The following SEL1L2 variants were observed in gnomAD, a reference collection of about 807,000 sequenced individuals.
SEL1L2 encodes the protein SEL1L2 adaptor subunit of SYVN1 ubiquitin ligase.
Under a neutral mutation model 98.8 loss-of-function variants are expected in SEL1L2, and 89 were observed. That is an observed-to-expected ratio of 0.90 (90% CI 0.76 to 1.07). The LOEUF (loss-of-function observed/expected upper bound fraction) is 1.07. Ranked by LOEUF, SEL1L2 falls within the 50% of genes least tolerant of loss-of-function variation. The pLI is 0.00. For missense variants in SEL1L2, 788 were observed against 812.0 expected (o/e 0.97, Z 0.36); for synonymous variants, 262 against 278.5 (o/e 0.94, Z 0.59).
At chr20:13,963,740 T>C (rs1440322057) in intron 1 of SEL1L2, among the ~76,000 whole-genome samples, 1 of 151,746 alleles carries the variant, frequency 6.6e-6, no homozygotes, top group Non-Finnish European at 1.5e-5. Flanking sequence ...AAAATAAAAA[T>C]GAGAATAACA....
chr20:13,890,391 G>GA (rs1362318055), intron 5 of SEL1L2, among the ~76,000 whole-genome samples: 2 of 150,416 alleles, frequency 1.3e-5, no homozygotes, highest in Non-Finnish European at 3.0e-5. Flanking sequence ...TAAACTCCTG[G>GA]AAGAAAAAAA....
chr20:13,921,132 T>C (rs1056444867), intron 3 of SEL1L2, among the ~76,000 whole-genome samples: 3 of 152,240 alleles, frequency 2.0e-5, no homozygotes, highest in Non-Finnish European at 4.4e-5. Flanking sequence ...TTTCTACCTA[T>C]GGCTTTTACT....
intron 2 of SEL1L2, among the ~76,000 whole-genome samples, 186 bp from the exon 3 acceptor site, chr20:13,931,957 T>C (rs1744059697): frequency 6.6e-6 from 1 of 152,230 alleles, no homozygotes; most frequent in African/African-American, 2.4e-5. Flanking sequence ...ATATGTTTTA[T>C]GAATAAAAAC....
intron 9 of SEL1L2, among the ~76,000 whole-genome samples, chr20:13,885,969 G>A (rs1243740676): frequency 9.9e-5 from 15 of 151,936 alleles, no homozygotes; most frequent in African/African-American, 3.1e-4. Context: ...CTCGGGAGGC[G>A]GAGCTTGCAG....
chr20:13,918,684 A>T (rs1237368954), intron 4 of SEL1L2, among the ~76,000 whole-genome samples: 2 of 152,232 alleles, frequency 1.3e-5, no homozygotes, highest in East Asian at 3.9e-4. Flanking sequence ...TAATACAACA[A>T]CTTGCTCTAA....
At chr20:13,968,770 A>T (rs959890063) in intron 1 of SEL1L2, among the ~76,000 whole-genome samples, 2 of 152,230 alleles carry the variant, frequency 1.3e-5, no homozygotes, top group Non-Finnish European at 2.9e-5. Flanking sequence ...CATTCCCTGG[A>T]CTAGGAGTAG....
rs1263854183 is a variant in SEL1L2, at chr20:13,987,916, C to T, written c.58+2561G>A. The stretch of plus-strand genomic sequence containing the variant: ...TATATGAGTCACAAAAATTTTCTCT[C>T]ATTCTGTGGGTTGTCGTTTCAGTTT... On this transcript the variant is annotated intron_variant, in intron 1 of 19. Transcript: ENST00000284951. Among the ~76,000 whole-genome samples, 5 of 152,322 alleles carry T rather than the reference C, an allele frequency of 3.3e-5. No individual in the cohort carries two copies. The South Asian group carries it at 6.2e-4, about 19-fold the overall frequency.
chr20:13,906,142 C>T (rs1008326707), intron 5 of SEL1L2, among the ~76,000 whole-genome samples: 9 of 152,172 alleles, frequency 5.9e-5, no homozygotes, highest in Admixed American at 2.0e-4. Flanking sequence ...TCCCAAAGTG[C>T]TGGCATTACA....
In SEL1L2 at chr20:13,876,019, C is replaced by T. The variant is rs370919202; in HGVS notation, c.1104+19G>A. The T allele has an allele frequency of 5.7e-5, 91 of 1,590,384 alleles. No homozygotes were observed. Among genetic ancestry groups the T allele is most frequent in the African/African-American group, 3.1e-4 (23 of 74,598 alleles). The stretch of plus-strand genomic sequence containing the variant: ...GCAATTTGTGTGTATGTGTTTACAA[C>T]AGTGCATTGAGGACATACCTTACTG... On this transcript the variant is annotated intron_variant, in intron 12 of 19. Transcript: ENST00000284951.
intron 18 of SEL1L2, among the ~76,000 whole-genome samples, chr20:13,856,037 C>T (rs552072518): frequency 4.4e-4 from 67 of 152,290 alleles, no homozygotes; most frequent in African/African-American, 1.6e-3. Context: ...AGCCAAGGTA[C>T]AGACAGAAAG....
At chr20:13,897,529 A>G (rs369634610) in intron 5 of SEL1L2, among the ~76,000 whole-genome samples, 55 of 152,320 alleles carry the variant, frequency 3.6e-4, no homozygotes, top group South Asian at 6.2e-4. Context: ...TCCAGAATGT[A>G]TAAAAATTCT....
rs868121024 is a variant in SEL1L2, at chr20:13,931,742, T to C, written c.144A>G (p.Leu48=). 1 of 1,551,050 alleles carries C rather than the reference T, an allele frequency of 6.4e-7. No homozygotes were observed. The highest frequency in any genetic ancestry group is 8.7e-7 in the Non-Finnish European group (1 of 1,153,816). Residue 48 remains leucine (L), a synonymous_variant, in exon 3 of 20, where the codon TTA becomes TTG. Coordinates refer to ENST00000284951, the MANE Select transcript of SEL1L2 (RefSeq NM_025229.2). ...ATGTTCTTTGTTCCAATATGTGTGA[T>C]AAATATTGTTTGATTTCGTTCACTG... is the stretch of plus-strand genomic sequence containing the variant. ...QVSVNEIKQY[L]SHILEQRTSS... is the part of the protein sequence containing the mutation.
intron 1 of SEL1L2, 21 bp downstream of exon 1, chr20:13,990,456 T>G (rs1374002921): frequency 6.4e-7 from 1 of 1,563,962 alleles, no homozygotes; most frequent in Non-Finnish European, 8.8e-7. Flanking sequence ...CATAGAGAAC[T>G]CTAAGGACAA....
chr20:13,909,823 A>T (rs971945879), intron 5 of SEL1L2, among the ~76,000 whole-genome samples: 4 of 152,014 alleles, frequency 2.6e-5, no homozygotes, highest in African/African-American at 9.7e-5. Flanking sequence ...AAAATTAGCC[A>T]GGTGTGGTGG....
intron 12 of SEL1L2, among the ~76,000 whole-genome samples, chr20:13,872,757 T>G (rs2046261674): frequency 1.3e-5 from 2 of 151,416 alleles, no homozygotes; most frequent in African/African-American, 4.9e-5. Context: ...TAAGGCCCAG[T>G]GTGCCTATTT....
chr20:13,869,901 T>C (rs1395434963), intron 13 of SEL1L2, among the ~76,000 whole-genome samples: 1 of 152,150 alleles, frequency 6.6e-6, no homozygotes, highest in Non-Finnish European at 1.5e-5. Flanking sequence ...ATAGATGATT[T>C]CTAAGGTTAC....
At chr20:13,859,760 G>A (rs1475092111) in intron 17 of SEL1L2, among the ~76,000 whole-genome samples, 1 of 152,222 alleles carries the variant, frequency 6.6e-6, no homozygotes, top group Admixed American at 6.5e-5. Context: ...GCAGGCTGGA[G>A]TGCAATGGCA....
Position 13,969,253 on chromosome 20 carries a change from A to G in SEL1L2, c.59-13122T>C, listed in dbSNP as rs147776792. Among the ~76,000 whole-genome samples the G allele has an allele frequency of 4.8e-3, 729 of 152,254 alleles. 5 individuals are homozygous for G. The highest frequency in any genetic ancestry group is 0.017 in the African/African-American group (686 of 41,540). On this transcript the variant is annotated intron_variant, in intron 1 of 19. Coordinates refer to ENST00000284951, the MANE Select transcript of SEL1L2 (RefSeq NM_025229.2). ...TCCCAATGTCCCCACAAACTAAATC[A>G]TTATTTCTCATGTGCCCCCTCCCAA...
At chr20:13,867,779 A>C (rs1243747824) in intron 14 of SEL1L2, among the ~76,000 whole-genome samples, 1 of 152,212 alleles carries the variant, frequency 6.6e-6, no homozygotes, top group Non-Finnish European at 1.5e-5. Flanking sequence ...CTTATTCTAG[A>C]AACTTGGGAA....
Sources: allele counts gnomAD v4.1 joint callset (sites outside exome capture counted in the v4.1 genomes callset), GRCh38; gene constraint gnomAD v4.1.1; transcripts MANE v1.5; gene names NCBI Gene and HGNC (gene_info 2026-07-23, HGNC 2026-07-21).